RAPGEF2: variants seen among roughly 807,000 people sequenced by gnomAD.
The protein encoded by RAPGEF2 is PDZ domain containing guanine nucleotide exchange factor (GEF) 1.
RAPGEF2 carries 54 observed loss-of-function variants against 186.7 expected under a neutral mutation model. That is an observed-to-expected ratio of 0.29 (90% CI 0.23 to 0.36). RAPGEF2 has a LOEUF of 0.36. RAPGEF2 is among the 10% of genes least tolerant of loss of function. The pLI is 1.00. For missense variants in RAPGEF2, 1,532 were observed against 2,045.0 expected, an observed-to-expected ratio of 0.75 and a Z score of 4.84; for synonymous variants, 712 against 705.9, an observed-to-expected ratio of 1.01 and a Z score of -0.14.
chr4:159,232,026 T>C (rs907270624), intron 4 of RAPGEF2, among the ~76,000 whole-genome samples: 3 of 152,234 alleles, frequency 2.0e-5, no homozygotes, highest in Non-Finnish European at 2.9e-5. Context: ...ATAGAGATTC[T>C]ACTTTTTCTT....
At chr4:159,164,091 A>G (rs1045115867) in intron 1 of RAPGEF2, among the ~76,000 whole-genome samples, 9 of 149,746 alleles carry the variant, frequency 6.0e-5, no homozygotes, top group Admixed American at 2.7e-4. Context: ...TGCAAGCTCC[A>G]CCTCCTGGGT....
chr4:159,118,281 A>G (rs1351406318), intron 1 of RAPGEF2, among the ~76,000 whole-genome samples: 1 of 152,204 alleles, frequency 6.6e-6, no homozygotes, highest in Non-Finnish European at 1.5e-5. Context: ...TGCATATGCA[A>G]GGGATCTAGG....
At position 159,350,138 on chromosome 4, in the gene RAPGEF2, C is replaced by T; in HGVS notation, c.3714C>T (p.Gly1238=). ...AAGGTTTTTTTTTTTCCATTATAGG[C>T]ATAAACTCTCCACAAGCTTTAAAAA... is the stretch of plus-strand genomic sequence containing the variant. The part of the protein sequence containing the change: ...KVPVKDLPPF[G]INSPQALKKI... Residue 1238 remains glycine, a splice_region_variant and synonymous_variant, in exon 26 of 30, where the codon GGC becomes GGT. Transcript: ENST00000691494. 2 of 1,536,518 alleles carry T rather than the reference C, an allele frequency of 1.3e-6. No homozygotes were observed. Among genetic ancestry groups the T allele is most frequent in the East Asian group, 2.3e-5 (1 of 42,790 alleles).
intron 6 of RAPGEF2, among the ~76,000 whole-genome samples, chr4:159,243,312 T>C (rs1754236199): frequency 6.6e-6 from 1 of 151,848 alleles, no homozygotes; most frequent in South Asian, 2.1e-4. Context: ...TTGCATCCTT[T>C]TTTGGGGTGT....
intron 23 of RAPGEF2, among the ~76,000 whole-genome samples, chr4:159,344,690 C>T (rs1730042256): frequency 6.6e-6 from 1 of 152,138 alleles, no homozygotes; most frequent in African/African-American, 2.4e-5. Context: ...CAATTTTGAA[C>T]ATTGTAGCTA....
chr4:159,154,345 A>G (rs796782240), intron 1 of RAPGEF2, among the ~76,000 whole-genome samples: 6 of 152,216 alleles, frequency 3.9e-5, no homozygotes, highest in African/African-American at 1.4e-4. Context: ...CTCAGCACAT[A>G]TTATTTATTG....
intron 1 of RAPGEF2, among the ~76,000 whole-genome samples, chr4:159,175,584 A>T (rs1258841181): frequency 6.6e-6 from 1 of 152,202 alleles, no homozygotes; most frequent in Admixed American, 6.5e-5. Flanking sequence ...AGGGACATAA[A>T]GAGAAAGGAA....
chr4:159,225,134 T>C (rs1279014858), intron 4 of RAPGEF2, among the ~76,000 whole-genome samples: 2 of 151,916 alleles, frequency 1.3e-5, no homozygotes, highest in African/African-American at 4.8e-5. Context: ...AGATACAGGG[T>C]AGGGTAGGTG....
At chr4:159,167,573 C>G (rs764236739) in intron 1 of RAPGEF2, among the ~76,000 whole-genome samples, 1 of 152,134 alleles carries the variant, frequency 6.6e-6, no homozygotes, top group Non-Finnish European at 1.5e-5. Context: ...AGTTTCATAC[C>G]CTTTCCTTTT....
chr4:159,290,043 A>G (rs1019457321), intron 7 of RAPGEF2, among the ~76,000 whole-genome samples: 22 of 152,174 alleles, frequency 1.4e-4, no homozygotes, highest in Non-Finnish European at 2.8e-4. Flanking sequence ...CAGGGGAGTG[A>G]CAGGATCAGG....
At chr4:159,246,470 A>G (rs892070769) in intron 7 of RAPGEF2, among the ~76,000 whole-genome samples, 22 of 152,240 alleles carry the variant, frequency 1.4e-4, no homozygotes, top group East Asian at 5.8e-4. Flanking sequence ...GGCAAATTCT[A>G]TTTCTTACAA....
intron 4 of RAPGEF2, among the ~76,000 whole-genome samples, chr4:159,219,530 T>G (rs1202886087): frequency 6.6e-6 from 1 of 152,026 alleles, no homozygotes; most frequent in Non-Finnish European, 1.5e-5. Flanking sequence ...TAATTTTTTG[T>G]ATTTTTAGTA....
chr4:159,151,502 A>G (rs1281910132), intron 1 of RAPGEF2, among the ~76,000 whole-genome samples: 1 of 152,240 alleles, frequency 6.6e-6, no homozygotes, highest in Non-Finnish European at 1.5e-5. Context: ...AAAATACCGT[A>G]TTAAGGGCCT....
intron 14 of RAPGEF2, 33 bp downstream of exon 14, chr4:159,331,571 A>G (rs760316297): frequency 6.2e-6 from 10 of 1,610,158 alleles, no homozygotes; most frequent in Non-Finnish European, 5.9e-6. Flanking sequence ...AGATCAGCTT[A>G]AAGTTCATTT....
At chr4:159,124,701 G>C (rs866966243) in intron 1 of RAPGEF2, among the ~76,000 whole-genome samples, 1 of 152,044 alleles carries the variant, frequency 6.6e-6, no homozygotes, top group Non-Finnish European at 1.5e-5. Context: ...GTCTGTTTTG[G>C]TTATTTTTTC....
chr4:159,275,940 G>A (rs1047688196), intron 7 of RAPGEF2, among the ~76,000 whole-genome samples: 2 of 152,044 alleles, frequency 1.3e-5, no homozygotes, highest in Non-Finnish European at 1.5e-5. Flanking sequence ...ATTTTTCTCA[G>A]TAATTAAGAA....
In RAPGEF2 at chr4:159,179,013, A is replaced by G. The variant is rs139116059; in HGVS notation, c.70-7629A>G. Among the ~76,000 whole-genome samples the G allele has an allele frequency of 3.3e-3, 500 of 152,334 alleles. 6 individuals are homozygous for G. Among genetic ancestry groups the G allele is most frequent in the African/African-American group, 0.012 (483 of 41,586 alleles). On this transcript the variant is annotated intron_variant, in intron 1 of 29. Transcript: ENST00000691494. ...GGGAAAGCTTTATTGGTTTATCAAT[A>G]TCTTTGTCCAATGTGCTACCATGGT...
intron 1 of RAPGEF2, among the ~76,000 whole-genome samples, chr4:159,146,385 A>C (rs1419606701): frequency 6.7e-6 from 1 of 148,918 alleles, no homozygotes; most frequent in Non-Finnish European, 1.5e-5. Context: ...CTTTTGGTGC[A>C]TTGTAGGGAT....
rs562434261 is a variant in RAPGEF2 at position 159,254,470 on chromosome 4, T to C, written c.543+10679T>C. Among the ~76,000 whole-genome samples, 252 of 152,254 alleles carry C rather than the reference T, an allele frequency of 1.7e-3. 8 individuals are homozygous for C. In the South Asian group the frequency reaches 0.051, roughly 31 times the overall value. On this transcript the variant is annotated intron_variant, in intron 7 of 29. Transcript: ENST00000691494. Reference sequence around the variant, plus strand: ...TGATTCACTGGTTTTTCAGATTTTATTTGCATAATATAATAGAGTTCTGCA... The same window carrying C: ...TGATTCACTGGTTTTTCAGATTTTACTTGCATAATATAATAGAGTTCTGCA...
Sources: gnomAD v4.1 joint callset for allele counts (sites outside exome capture counted in the v4.1 genomes callset) on GRCh38, gnomAD v4.1.1 for gene constraint, MANE v1.5 for transcripts, NCBI Gene and HGNC (gene_info 2026-07-23, HGNC 2026-07-21) for gene names.